Variants in DOCK3 observed in about 807,000 individuals in gnomAD.
The protein encoded by DOCK3 is dedicator of cytokinesis protein 3.
Under a neutral mutation model 265.6 loss-of-function variants are expected in DOCK3, and 60 were observed. The observed-to-expected ratio is 0.23, with a 90% CI of 0.18 to 0.28. The LOEUF (loss-of-function observed/expected upper bound fraction) is 0.28. DOCK3 is among the 10% of genes least tolerant of loss of function. The probability of loss-of-function intolerance (pLI) is 1.00; values close to 1 mark genes in which losing one functional copy is unlikely to be tolerated. For missense variants in DOCK3, 1,981 were observed against 2,594.3 expected, an observed-to-expected ratio of 0.76 and a Z score of 5.14; for synonymous variants, 881 against 938.0, an observed-to-expected ratio of 0.94 and a Z score of 1.11.
At chr3:50,911,121 T>C (rs2049831169) in intron 4 of DOCK3, among the ~76,000 whole-genome samples, 1 of 152,112 alleles carries the variant, frequency 6.6e-6, no homozygotes, top group South Asian at 2.1e-4. Context: ...TCTTTTCACT[T>C]TCTTGATTGC....
At chr3:51,082,043 T>A (rs929764173) in intron 7 of DOCK3, among the ~76,000 whole-genome samples, 4 of 151,898 alleles carry the variant, frequency 2.6e-5, no homozygotes, top group African/African-American at 9.7e-5. Context: ...CTGGAGTTCA[T>A]CAGGGAAGTG....
chr3:51,229,690 A>C, intron 19 of DOCK3, 81 bp downstream of exon 19: 1 of 1,103,172 alleles, frequency 9.1e-7, no homozygotes, highest in Non-Finnish European at 1.2e-6. Flanking sequence ...ATTTTTGCCA[A>C]TAACCGTCTG....
rs2086013138 is a variant in DOCK3 at position 51,159,280 on chromosome 3, A to G, written c.865A>G (p.Ile289Val). The G allele has an allele frequency of 3.7e-6, 6 of 1,613,584 alleles. No individual in the cohort carries two copies. Among genetic ancestry groups the G allele is most frequent in the Middle Eastern group, 1.7e-4 (1 of 6,058 alleles). ...SSKDMKRDLY[I>V]VAHVIRIGRM... ...CAAAGATATGAAGAGAGATTTGTATATCGTTGCCCATGTGATCCGAATAGG... is the reference window on the plus strand; with the variant it reads ...CAAAGATATGAAGAGAGATTTGTATGTCGTTGCCCATGTGATCCGAATAGG... The change falls in exon 11 of 53, where the codon ATC becomes GTC. Residue 289 changes from isoleucine (I) to valine (V), a missense_variant. Around this residue, in one of 4 missense-constraint regions of DOCK3, gnomAD observed 456 missense variants for 539.0 expected, o/e 0.85. Transcript: ENST00000266037.
At chr3:51,108,762 A>G (rs2083393143) in intron 9 of DOCK3, among the ~76,000 whole-genome samples, 1 of 152,254 alleles carries the variant, frequency 6.6e-6, no homozygotes, top group African/African-American at 2.4e-5. Flanking sequence ...AACAGATTTC[A>G]CACCAACAAA....
intron 20 of DOCK3, among the ~76,000 whole-genome samples, chr3:51,236,986 A>T (rs1278746583): frequency 2.6e-5 from 4 of 152,114 alleles, no homozygotes; most frequent in African/African-American, 9.7e-5. Context: ...TCTCATAGAT[A>T]AGGAGCAGAG....
chr3:51,046,221 A>G (rs1266034471), intron 5 of DOCK3, among the ~76,000 whole-genome samples: 1 of 152,240 alleles, frequency 6.6e-6, no homozygotes, highest in East Asian at 1.9e-4. Flanking sequence ...CAAACTGTTA[A>G]TAGTAAGTCC....
intron 4 of DOCK3, among the ~76,000 whole-genome samples, chr3:50,893,669 C>T (rs914557451): frequency 1.3e-5 from 2 of 151,708 alleles, no homozygotes; most frequent in Non-Finnish European, 2.9e-5. Flanking sequence ...ACACGTGGGG[C>T]AGGAGAGAGA....
Position 51,090,393 on chromosome 3 carries a change from C to A in DOCK3, c.746+9C>A. 1 of 1,598,890 alleles carries A rather than the reference C, an allele frequency of 6.3e-7. No homozygotes were observed. Among genetic ancestry groups the A allele is most frequent in the South Asian group, 1.1e-5 (1 of 88,070 alleles). ...GAAGGCAAGCAGATCAGGTGAGAGT[C>A]ACTGGAAATTCTGGTGAGGTTCTAT... On this transcript the variant is annotated intron_variant, in intron 9 of 52. Transcript: ENST00000266037.
chr3:51,149,149 TTGG>T (rs1240735271), intron 10 of DOCK3, among the ~76,000 whole-genome samples: 2 of 152,098 alleles, frequency 1.3e-5, no homozygotes, highest in African/African-American at 2.4e-5. Context: ...CTGTCTGTTA[TTGG>T]TGTAGAGGAA....
At chr3:50,740,934 G>A (rs59486246) in intron 1 of DOCK3, among the ~76,000 whole-genome samples, 3,795 of 151,908 alleles carry the variant, frequency 0.025, 184 homozygotes, top group African/African-American at 0.087. Flanking sequence ...TCTAGTTCCC[G>A]AACTTTTTTA....
At chr3:51,205,821 T>C (rs1324980861) in intron 12 of DOCK3, among the ~76,000 whole-genome samples, 2 of 152,230 alleles carry the variant, frequency 1.3e-5, no homozygotes, top group Non-Finnish European at 2.9e-5. Context: ...AATTGATGCC[T>C]TTGTAACAAT....
At chr3:50,702,246 A>G (rs1006057555) in intron 1 of DOCK3, among the ~76,000 whole-genome samples, 2 of 151,922 alleles carry the variant, frequency 1.3e-5, no homozygotes, top group African/African-American at 4.8e-5. Flanking sequence ...ATCTCCCTTC[A>G]GTGTTTTGTC....
chr3:51,347,496 A>G (rs1560477910), intron 38 of DOCK3, among the ~76,000 whole-genome samples: 1 of 152,128 alleles, frequency 6.6e-6, no homozygotes, highest in Non-Finnish European at 1.5e-5. Context: ...CCGTTGGTCC[A>G]TATCTCTGTT....
chr3:51,355,372 A>G (rs902578005), intron 41 of DOCK3, among the ~76,000 whole-genome samples: 1 of 152,156 alleles, frequency 6.6e-6, no homozygotes, highest in Non-Finnish European at 1.5e-5. Flanking sequence ...TTGGGGTCCT[A>G]TCAGGGCTCT....
intron 2 of DOCK3, among the ~76,000 whole-genome samples, chr3:50,788,857 GGCGCGT>G (rs1298288256): frequency 6.6e-6 from 1 of 152,224 alleles, no homozygotes; most frequent in East Asian, 1.9e-4. Context: ...TGGCTGCGAG[GGCGCGT>G]GCCCGCCCCG....
intron 6 of DOCK3, among the ~76,000 whole-genome samples, chr3:51,074,496 A>G (rs2081986823): frequency 6.6e-6 from 1 of 152,180 alleles, no homozygotes; most frequent in East Asian, 1.9e-4. Context: ...CTTGAGTAGT[A>G]ATACTTGTTG....
intron 5 of DOCK3, among the ~76,000 whole-genome samples, chr3:50,936,301 C>A (rs1575570642): frequency 6.6e-6 from 1 of 151,436 alleles, no homozygotes; most frequent in African/African-American, 2.4e-5. Context: ...CTTCCAGAGA[C>A]CTGTGGAACA....
intron 2 of DOCK3, among the ~76,000 whole-genome samples, chr3:50,785,712 G>A (rs1009216034): frequency 1.3e-5 from 2 of 152,082 alleles, no homozygotes; most frequent in East Asian, 1.9e-4. Context: ...ATTCAGTTAC[G>A]TAGTGTTTTG....
chr3:51,204,350 G>A (rs1168758472), intron 12 of DOCK3, among the ~76,000 whole-genome samples: 1 of 147,886 alleles, frequency 6.8e-6, no homozygotes, highest in Non-Finnish European at 1.5e-5. Context: ...CAAAAAGTGG[G>A]CGAAGGATAT....
Sources: gnomAD v4.1 joint callset for allele counts (sites outside exome capture counted in the v4.1 genomes callset) on GRCh38, gnomAD v4.1.1 for gene constraint, gnomAD v4.1.1 regional missense constraint, MANE v1.5 for transcripts, NCBI Gene and HGNC (gene_info 2026-07-23, HGNC 2026-07-21) for gene names.